Variants in PACRG observed in about 807,000 individuals in gnomAD.
PACRG encodes the protein parkin coregulated gene protein.
PACRG carries 29 observed loss-of-function variants against 29.7 expected under a neutral mutation model. The ratio of observed to expected loss-of-function variants is 0.98; its 90% CI spans 0.73 to 1.33. The LOEUF (loss-of-function observed/expected upper bound fraction) is 1.33. PACRG is among the 40% of genes most tolerant of loss of function. The probability of loss-of-function intolerance (pLI) is 0.00; values close to 1 mark genes in which losing one functional copy is unlikely to be tolerated. For synonymous variants in PACRG, 116 were observed against 118.7 expected (o/e 0.98, Z 0.15); for missense variants, 279 against 316.2 (o/e 0.88, Z 0.89).
At chr6:163,081,581 A>AC (rs1813078772) in intron 3 of PACRG, among the ~76,000 whole-genome samples, 1 of 152,120 alleles carries the variant, frequency 6.6e-6, no homozygotes, top group Non-Finnish European at 1.5e-5. Context: ...ACATAGTGAG[A>AC]CCCCATCTCT....
intron 4 of PACRG, among the ~76,000 whole-genome samples, chr6:163,137,996 C>T (rs187574007): frequency 6.2e-4 from 95 of 152,344 alleles, no homozygotes; most frequent in South Asian, 5.2e-3. Flanking sequence ...TCTCCTCTAC[C>T]TGAGCCTCAG....
At chr6:162,877,244 A>C (rs992470394) in intron 2 of PACRG, among the ~76,000 whole-genome samples, 3 of 152,216 alleles carry the variant, frequency 2.0e-5, no homozygotes, top group African/African-American at 7.2e-5. Context: ...ACTGTGGAAT[A>C]CTATGCAGCC....
At position 162,727,992 on chromosome 6, in the gene PACRG, T is replaced by C. The variant is rs68144677; in HGVS notation, c.-244T>C. Reference sequence around the variant, plus strand: ...ACCAGTCGCTTAGCAACCGGGAGGCTTACCTTTGGAAGCTTGTTGCAGCTC... The same window carrying C: ...ACCAGTCGCTTAGCAACCGGGAGGCCTACCTTTGGAAGCTTGTTGCAGCTC... On this transcript the variant is annotated 5_prime_UTR_variant, in exon 1 of 5. Transcript: ENST00000366888. 58,652 of 616,736 alleles carry C rather than the reference T, an allele frequency of 0.095. 3,416 individuals are homozygous for C. Among genetic ancestry groups the C allele is most frequent in the Middle Eastern group, 0.15 (334 of 2,256 alleles). 38.2% of individuals were successfully genotyped at this position (616,736 alleles called of 1,614,324 possible).
intron 1 of PACRG, among the ~76,000 whole-genome samples, chr6:162,753,775 C>G (rs1028528926): frequency 2.6e-5 from 4 of 152,136 alleles, no homozygotes; most frequent in Non-Finnish European, 4.4e-5. Context: ...GTAAGACATG[C>G]CTTGCTTCCC....
At chr6:163,303,524 T>C (rs1214768999) in intron 4 of PACRG, among the ~76,000 whole-genome samples, 2 of 152,194 alleles carry the variant, frequency 1.3e-5, no homozygotes, top group Admixed American at 6.5e-5. Flanking sequence ...TTATTTCCAG[T>C]AGGTTTTATC....
At chr6:162,774,251 C>T (rs1783468549) in intron 1 of PACRG, among the ~76,000 whole-genome samples, 1 of 152,198 alleles carries the variant, frequency 6.6e-6, no homozygotes, top group Admixed American at 6.5e-5. Context: ...GGAAGCTGTA[C>T]AGCTTTGCCA....
chr6:163,064,840 T>TG (rs1284862498), intron 3 of PACRG, among the ~76,000 whole-genome samples: 1 of 149,578 alleles, frequency 6.7e-6, no homozygotes, highest in Non-Finnish European at 1.5e-5. Context: ...GACTAGAAGT[T>TG]TTTTTTTTTT....
chr6:162,761,987 A>G (rs1212513011), intron 1 of PACRG, among the ~76,000 whole-genome samples: 2 of 141,872 alleles, frequency 1.4e-5, no homozygotes, highest in Non-Finnish European at 3.1e-5. Context: ...CCTGAGTGAC[A>G]CTAAATTTAC....
At chr6:163,143,130 T>G (rs1777622438) in intron 4 of PACRG, among the ~76,000 whole-genome samples, 1 of 152,176 alleles carries the variant, frequency 6.6e-6, no homozygotes, top group East Asian at 1.9e-4. Flanking sequence ...ATATTAACAT[T>G]GGAGAAACTG....
chr6:162,827,994 G>C (rs142393420), intron 2 of PACRG, among the ~76,000 whole-genome samples: 8 of 152,242 alleles, frequency 5.3e-5, no homozygotes, highest in Non-Finnish European at 1.0e-4. Flanking sequence ...AGAAGAACTG[G>C]AGCAGGGTTA....
At chr6:163,023,302 A>G (rs1806816010) in intron 2 of PACRG, among the ~76,000 whole-genome samples, 1 of 152,022 alleles carries the variant, frequency 6.6e-6, no homozygotes, top group African/African-American at 2.4e-5. Flanking sequence ...CTTAGCTCCC[A>G]CTTATCAGTG....
intron 4 of PACRG, among the ~76,000 whole-genome samples, chr6:163,297,397 C>G (rs1461623943): frequency 6.6e-6 from 1 of 152,198 alleles, no homozygotes; most frequent in African/African-American, 2.4e-5. Flanking sequence ...TAGCAGACTT[C>G]AGTTTCCACT....
At chr6:163,149,376 C>G (rs984113072) in intron 4 of PACRG, among the ~76,000 whole-genome samples, 1 of 152,202 alleles carries the variant, frequency 6.6e-6, no homozygotes. Flanking sequence ...CAAGTCTCCA[C>G]CCGGTAGATT....
At chr6:162,944,988 G>C (rs755635272) in intron 2 of PACRG, among the ~76,000 whole-genome samples, 21 of 151,958 alleles carry the variant, frequency 1.4e-4, no homozygotes, top group African/African-American at 4.3e-4. Flanking sequence ...GACATTTACT[G>C]ATCCCCAAAT....
intron 2 of PACRG, among the ~76,000 whole-genome samples, chr6:162,947,388 T>A: frequency 7.7e-6 from 1 of 129,160 alleles, no homozygotes; most frequent in African/African-American, 3.0e-5. Flanking sequence ...ATATATATAA[T>A]CATATATAAT....
intron 4 of PACRG, among the ~76,000 whole-genome samples, chr6:163,258,630 G>T (rs1783206409): frequency 6.6e-6 from 1 of 151,860 alleles, no homozygotes; most frequent in African/African-American, 2.4e-5. Flanking sequence ...GGTGGCAGGC[G>T]CTTGTAGTCC....
At position 162,939,633 on chromosome 6, in the gene PACRG, C is replaced by T. The variant is rs563048580; in HGVS notation, c.292-122517C>T. 1.9e-4 allele frequency among the ~76,000 whole-genome samples: 29 copies of T among 151,372 alleles called. No individual in the cohort carries two copies. The South Asian group carries it at 5.0e-3, about 26-fold the overall frequency. On this transcript the variant is annotated intron_variant, in intron 2 of 4. Coordinates refer to ENST00000366888, the MANE Select transcript of PACRG (RefSeq NM_001080379.2). ...TTCCTCCTTTCTCCTATTCTTTGTT[C>T]TCCTTATTCCTTTTCCATTAATTTT...
intron 4 of PACRG, among the ~76,000 whole-genome samples, chr6:163,143,418 T>G (rs1478975748): frequency 6.6e-6 from 1 of 152,134 alleles, no homozygotes; most frequent in African/African-American, 2.4e-5. Context: ...TGAAACAATA[T>G]GTATGCGATG....
At chr6:163,087,732 T>A (rs1813724990) in intron 3 of PACRG, among the ~76,000 whole-genome samples, 1 of 147,584 alleles carries the variant, frequency 6.8e-6, no homozygotes, top group Non-Finnish European at 1.5e-5. Flanking sequence ...GCAGAGAGGG[T>A]GAGGATAGAG....
Sources: allele counts gnomAD v4.1 joint callset (sites outside exome capture counted in the v4.1 genomes callset), GRCh38; gene constraint gnomAD v4.1.1; transcripts MANE v1.5; gene names NCBI Gene and HGNC (gene_info 2026-07-23, HGNC 2026-07-21).